Variants in MUSK observed in about 807,000 individuals in gnomAD.
MUSK encodes muscle, skeletal receptor tyrosine-protein kinase.
MUSK carries 55 observed loss-of-function variants against 88.7 expected under a neutral mutation model. The observed-to-expected ratio is 0.62, with a 90% CI of 0.50 to 0.78. MUSK has a LOEUF of 0.78. MUSK is among the 30% of genes least tolerant of loss of function. The pLI is 0.00. For missense variants in MUSK, 1,015 were observed against 1,074.3 expected (o/e 0.94, Z 0.77); for synonymous variants, 387 against 391.9 (o/e 0.99, Z 0.15).
At chr9:110,730,913 T>C (rs2076954677) in intron 5 of MUSK, among the ~76,000 whole-genome samples, 1 of 152,052 alleles carries the variant, frequency 6.6e-6, no homozygotes, top group Non-Finnish European at 1.5e-5. Context: ...TCTTTCCCCT[T>C]GACTCTTAGT....
At chr9:110,703,990 A>C (rs1428108511) in intron 5 of MUSK, among the ~76,000 whole-genome samples, 1 of 152,212 alleles carries the variant, frequency 6.6e-6, no homozygotes, top group Non-Finnish European at 1.5e-5. Flanking sequence ...AATATTGAAG[A>C]CAGATTATTT....
intron 14 of MUSK, among the ~76,000 whole-genome samples, chr9:110,799,480 T>G (rs2078059402): frequency 6.6e-6 from 1 of 152,228 alleles, no homozygotes; most frequent in Admixed American, 6.5e-5. Flanking sequence ...ACTTAAATAC[T>G]TCATCTAAGA....
At chr9:110,787,535 T>A (rs556826214) in intron 13 of MUSK, among the ~76,000 whole-genome samples, 155 bp from the exon 14 acceptor site, 1 of 152,152 alleles carries the variant, frequency 6.6e-6, no homozygotes, top group South Asian at 2.1e-4. Flanking sequence ...TTAAGTATGT[T>A]GTCTTTCTTT....
rs146522330 is a variant in MUSK at position 110,760,342 on chromosome 9, A to G, written c.914-1860A>G. 5.5e-3 allele frequency among the ~76,000 whole-genome samples: 837 copies of G among 152,322 alleles called. 6 individuals are homozygous for G. Among genetic ancestry groups the G allele is most frequent in the Middle Eastern group, 0.024 (7 of 294 alleles). ...CTATCAATGACAGATTGGACAAAGG[A>G]AATGTGGCACATATACACCATGGAA... On this transcript the variant is annotated intron_variant, in intron 7 of 14. Coordinates refer to ENST00000374448, the MANE Select transcript of MUSK (RefSeq NM_005592.4).
chr9:110,801,994 A>G lies in MUSK; in HGVS notation c.*1006A>G, dbSNP rs2078104082. Among the ~76,000 whole-genome samples, 2 of 152,112 alleles carry G rather than the reference A, an allele frequency of 1.3e-5. No homozygotes were observed. The highest frequency in any genetic ancestry group is 2.9e-5 in the Non-Finnish European group (2 of 68,010). ...TGAAGCCACACATTTCAACATTCTC[A>G]CCTATTAATATTATTACTAGAGTCT... On this transcript the variant is annotated 3_prime_UTR_variant, in exon 15 of 15. Transcript: ENST00000374448.
chr9:110,797,125 A>T (rs2900517), intron 14 of MUSK, among the ~76,000 whole-genome samples: 1 of 35,822 alleles, frequency 2.8e-5, no homozygotes, highest in African/African-American at 9.9e-5. Context: ...ACAAAAAAAT[A>T]AAAAAATAAA....
At chr9:110,675,623 G>A (rs1479101615) in intron 1 of MUSK, among the ~76,000 whole-genome samples, 2 of 138,076 alleles carry the variant, frequency 1.4e-5, no homozygotes, top group East Asian at 2.1e-4. Context: ...AGGCTGGAGT[G>A]CAGCGGTGCG....
At chr9:110,722,620 A>C (rs1229184883) in intron 5 of MUSK, among the ~76,000 whole-genome samples, 2 of 152,092 alleles carry the variant, frequency 1.3e-5, no homozygotes, top group African/African-American at 4.8e-5. Context: ...GACAACCCCC[A>C]GAGTGGGAGA....
chr9:110,681,502 G>C (rs1587889025), intron 1 of MUSK, among the ~76,000 whole-genome samples: 1 of 152,018 alleles, frequency 6.6e-6, no homozygotes, highest in East Asian at 1.9e-4. Context: ...AATAGTATCT[G>C]TGTGACAAGT....
At chr9:110,745,573 G>T (rs944627362) in intron 6 of MUSK, among the ~76,000 whole-genome samples, 1 of 152,106 alleles carries the variant, frequency 6.6e-6, no homozygotes, top group Non-Finnish European at 1.5e-5. Context: ...ATTCAAGGGA[G>T]TCCAAATATT....
chr9:110,686,431 C>G (rs370618620), intron 2 of MUSK, among the ~76,000 whole-genome samples: 5 of 152,148 alleles, frequency 3.3e-5, no homozygotes, highest in African/African-American at 1.2e-4. Context: ...GCTTACCACA[C>G]GCATTTGGCA....
intron 7 of MUSK, among the ~76,000 whole-genome samples, chr9:110,754,374 A>T (rs575783597): frequency 6.6e-6 from 1 of 152,358 alleles, no homozygotes; most frequent in African/African-American, 2.4e-5. Context: ...ATTTTTAAAT[A>T]CTACAAATAT....
intron 11 of MUSK, among the ~76,000 whole-genome samples, chr9:110,783,509 T>C (rs2132018123): frequency 6.6e-6 from 1 of 152,266 alleles, no homozygotes. Context: ...TTACACATTA[T>C]TTTAATTAAC....
chr9:110,747,634 C>T lies in MUSK; in HGVS notation c.754-7C>T, dbSNP rs2131876978. 6.2e-7 allele frequency: 1 copy of T among 1,607,382 alleles called. No homozygotes were observed. Among genetic ancestry groups the T allele is most frequent in the East Asian group, 2.2e-5 (1 of 44,700 alleles). ...CTGAGTTCTTTTATTTTCCTTTACT[C>T]TGTCAGGTTTCTTCTGGGTCCATTC... On this transcript the variant is annotated splice_polypyrimidine_tract_variant and splice_region_variant and intron_variant, in intron 6 of 14. Coordinates refer to ENST00000374448, the MANE Select transcript of MUSK (RefSeq NM_005592.4).
chr9:110,800,186 GACA>G, intron 14 of MUSK, 117 bp from the exon 15 acceptor site: 3 of 901,114 alleles, frequency 3.3e-6, no homozygotes, highest in East Asian at 2.4e-5. Context: ...ACAAACATAC[GACA>G]ACAACAACAA....
chr9:110,712,118 T>C (rs1324809199), intron 5 of MUSK, among the ~76,000 whole-genome samples: 1 of 151,150 alleles, frequency 6.6e-6, no homozygotes, highest in Admixed American at 6.6e-5. Flanking sequence ...CTGGTTTCCT[T>C]GTGAATGAGT....
At chr9:110,783,930 G>A (rs1424557042) in intron 11 of MUSK, among the ~76,000 whole-genome samples, 1 of 151,638 alleles carries the variant, frequency 6.6e-6, no homozygotes, top group African/African-American at 2.4e-5. Context: ...AAAAGTCATT[G>A]ATTTTTTTCT....
chr9:110,786,310 C>CAA (rs60666436), intron 13 of MUSK, among the ~76,000 whole-genome samples: 12,187 of 75,158 alleles, frequency 0.16, 728 homozygotes, highest in South Asian at 0.27. Context: ...GACTCTGTCT[C>CAA]AAAAAAAAAA....
intron 5 of MUSK, among the ~76,000 whole-genome samples, chr9:110,706,973 CAGCCTGGGCAACAGAT>C (rs1157846247): frequency 6.6e-6 from 1 of 151,968 alleles, no homozygotes; most frequent in African/African-American, 2.4e-5. Flanking sequence ...CACTGAACTC[CAGCCTGGGCAACAGAT>C]TGAGACCCTG....
Sources: gnomAD v4.1 joint callset for allele counts (sites outside exome capture counted in the v4.1 genomes callset) on GRCh38, gnomAD v4.1.1 for gene constraint, MANE v1.5 for transcripts, NCBI Gene and HGNC (gene_info 2026-07-23, HGNC 2026-07-21) for gene names.